KIF26B: variants seen among roughly 807,000 people sequenced by gnomAD.
KIF26B encodes the protein kinesin-like protein KIF26B.
In KIF26B, 63 loss-of-function variants were observed where a neutral mutation model predicts 151.2. The observed-to-expected ratio is 0.42, with a 90% CI of 0.34 to 0.51. KIF26B has a LOEUF of 0.51. Ranked by LOEUF, KIF26B falls within the 20% of genes least tolerant of loss-of-function variation. The pLI is 0.07. For synonymous variants in KIF26B, 1,357 were observed against 1,262.1 expected (o/e 1.08, Z -1.59); for missense variants, 2,813 against 2,913.6 (o/e 0.97, Z 0.79).
intron 2 of KIF26B, among the ~76,000 whole-genome samples, chr1:245,327,940 C>T (rs1170403980): frequency 1.3e-5 from 2 of 152,124 alleles, no homozygotes; most frequent in African/African-American, 2.4e-5. Context: ...GACCTGGGAT[C>T]GTGAGAATGT....
In KIF26B at chr1:245,375,568, G is replaced by C. The variant is rs1673254802; in HGVS notation, c.999+8201G>C. On this transcript the variant is annotated intron_variant, in intron 3 of 14. Coordinates refer to ENST00000407071, the MANE Select transcript of KIF26B (RefSeq NM_018012.4). The surrounding 1 kb of genome is among the most constrained non-coding windows in gnomAD (Gnocchi z 4.2). Reference sequence around the variant, plus strand: ...TCTAGAAGCTGAGGACGGCAAGGGTGTGATTCTCCCCTAGAGCCTCCAGAA... The same window carrying C: ...TCTAGAAGCTGAGGACGGCAAGGGTCTGATTCTCCCCTAGAGCCTCCAGAA... Among the ~76,000 whole-genome samples the C allele has an allele frequency of 6.6e-6, 1 of 152,170 alleles. No homozygotes were observed. The highest frequency in any genetic ancestry group is 1.5e-5 in the Non-Finnish European group (1 of 68,026).
intron 4 of KIF26B, among the ~76,000 whole-genome samples, chr1:245,526,315 TCTCTGC>T (rs1661234733): frequency 6.6e-6 from 1 of 152,140 alleles, no homozygotes; most frequent in Non-Finnish European, 1.5e-5. Context: ...AATTTCTGCC[TCTCTGC>T]CTCTAGTGGG....
intron 2 of KIF26B, among the ~76,000 whole-genome samples, chr1:245,360,088 G>T (rs951554707): frequency 1.3e-5 from 2 of 151,520 alleles, no homozygotes; most frequent in Non-Finnish European, 2.9e-5. Context: ...GGCCAGGATG[G>T]TCTCAAACTC....
intron 2 of KIF26B, among the ~76,000 whole-genome samples, chr1:245,248,002 G>T (rs1670368428): frequency 6.6e-6 from 1 of 152,164 alleles, no homozygotes; most frequent in African/African-American, 2.4e-5. Flanking sequence ...GAAGATGAGG[G>T]AAAACTACTT....
chr1:245,467,281 C>T (rs774378287), intron 4 of KIF26B, among the ~76,000 whole-genome samples: 6 of 152,192 alleles, frequency 3.9e-5, no homozygotes, highest in Non-Finnish European at 7.4e-5. Flanking sequence ...CAAGATGATG[C>T]GAGCTCTTTA....
chr1:245,668,677 GTTTCT>G lies in KIF26B; in HGVS notation c.2259-15532_2259-15528del, dbSNP rs112851269. Among the ~76,000 whole-genome samples, 196 of 151,386 alleles carry G rather than the reference GTTTCT, an allele frequency of 1.3e-3. 1 individual carries two copies. The South Asian group carries it at 0.016, about 12-fold the overall frequency. On this transcript the variant is annotated intron_variant, in intron 10 of 14. Transcript: ENST00000407071. Reference sequence around the variant, plus strand: ...AGAACTGTAGGATCATGGAGATCATGTTTCTTTTCTTTTCTTTTCTTTTCTTTTTT... The same window carrying G: ...AGAACTGTAGGATCATGGAGATCATGTTTCTTTTCTTTTCTTTTCTTTTTT...
rs1464932402 is a variant in KIF26B, at chr1:245,707,649, G to A, written c.*5043G>A. The A allele has an allele frequency of 6.6e-6, 1 of 152,244 alleles. No individual in the cohort carries two copies. The highest frequency in any genetic ancestry group is 1.5e-5 in the Non-Finnish European group (1 of 68,052). 9.4% of individuals were successfully genotyped at this position (152,244 alleles called of 1,614,324 possible). A position where few individuals can be genotyped will look rare whatever the true frequency, so the allele number is the denominator to read the frequency against. ...CTGTTAGTGGAAACATGGGCTGGGG[G>A]ATGGGGAGAGGACAGATAAAGCAAG... On this transcript the variant is annotated 3_prime_UTR_variant, in exon 15 of 15. Transcript: ENST00000407071.
chr1:245,685,596 C>T lies in KIF26B; in HGVS notation c.2613C>T (p.Asn871=), dbSNP rs373165733. 7.3e-5 allele frequency: 118 copies of T among 1,613,688 alleles called. No individual in the cohort carries two copies. The highest frequency in any genetic ancestry group is 9.4e-5 in the Non-Finnish European group (111 of 1,179,892). Residue 871 remains asparagine (N), a synonymous_variant, in exon 12 of 15, where the codon AAC becomes AAT. Coordinates refer to ENST00000407071, the MANE Select transcript of KIF26B (RefSeq NM_018012.4). ...ACACCGTCATCTACATCGGGCCCAA[C>T]GGCACGGCCCTCTCTGACAAGGAGC... The part of the protein sequence containing the change: ...SCDTVIYIGP[N]GTALSDKELT...
At chr1:245,683,549 C>T (rs779862922) in intron 10 of KIF26B, among the ~76,000 whole-genome samples, 31 of 152,200 alleles carry the variant, frequency 2.0e-4, no homozygotes, top group Non-Finnish European at 3.5e-4. Context: ...TGGCCCCGCA[C>T]AGCACCTGCA....
chr1:245,206,490 G>T (rs1177322439), intron 2 of KIF26B: 1 of 152,244 alleles, frequency 6.6e-6, no homozygotes, highest in African/African-American at 2.4e-5. Flanking sequence ...ATGTGTTCTT[G>T]ACATTAAGAG....
intron 2 of KIF26B, among the ~76,000 whole-genome samples, chr1:245,292,177 G>A (rs898046778): frequency 1.3e-5 from 2 of 152,160 alleles, no homozygotes; most frequent in East Asian, 1.9e-4. Context: ...CGATGACATC[G>A]AATTCGCACT....
chr1:245,542,625 C>T (rs967737458), intron 5 of KIF26B, among the ~76,000 whole-genome samples: 5 of 152,208 alleles, frequency 3.3e-5, no homozygotes, highest in South Asian at 2.1e-4. Context: ...GAGGAGGGGC[C>T]GTGGTACGCC....
At chr1:245,636,935 G>C (rs1197173281) in intron 9 of KIF26B, among the ~76,000 whole-genome samples, 1 of 151,822 alleles carries the variant, frequency 6.6e-6, no homozygotes, top group Non-Finnish European at 1.5e-5. Flanking sequence ...CACTTAGACT[G>C]ATTCTATATT....
intron 4 of KIF26B, among the ~76,000 whole-genome samples, chr1:245,455,331 C>T (rs1355998815): frequency 6.6e-6 from 1 of 151,994 alleles, no homozygotes; most frequent in African/African-American, 2.4e-5. Context: ...TGGTGAAACC[C>T]CATCTCTACT....
chr1:245,339,773 G>A (rs1392424629), intron 2 of KIF26B, among the ~76,000 whole-genome samples: 1 of 152,216 alleles, frequency 6.6e-6, no homozygotes, highest in Non-Finnish European at 1.5e-5. Context: ...CAGTTGTGTA[G>A]AGATTCACAC....
At chr1:245,434,289 TTACCTTTGAGGA>T (rs1222326505) in intron 4 of KIF26B, among the ~76,000 whole-genome samples, 4 of 152,240 alleles carry the variant, frequency 2.6e-5, no homozygotes, top group Non-Finnish European at 5.9e-5. Context: ...TGCTTTGTTT[TTACCTTTGAGGA>T]ACTCCAAGTA....
At chr1:245,532,248 C>CTT (rs74163062) in intron 4 of KIF26B, among the ~76,000 whole-genome samples, 14,503 of 121,372 alleles carry the variant, frequency 0.12, 1,517 homozygotes, top group Non-Finnish European at 0.17. Flanking sequence ...CTTTTCTTTT[C>CTT]TTTTTTTTTT....
Position 245,602,845 on chromosome 1 carries a change from C to A in KIF26B, c.1557+62C>A. 2.0e-6 allele frequency: 3 copies of A among 1,481,026 alleles called. No homozygotes were observed. The highest frequency in any genetic ancestry group is 2.8e-6 in the Non-Finnish European group (3 of 1,061,198). The allele number at this position is 1,481,026 out of a possible 1,614,324, so 91.7% of individuals were successfully genotyped here. A position where few individuals can be genotyped will look rare whatever the true frequency, so the allele number is the denominator to read the frequency against. ...GATGAAAGGGCAACGTTTACTCATTCACAAGGGCCCTTGAGCTGGGAGGGT... is the reference window on the plus strand; with the variant it reads ...GATGAAAGGGCAACGTTTACTCATTAACAAGGGCCCTTGAGCTGGGAGGGT... On this transcript the variant is annotated intron_variant, in intron 6 of 14. Coordinates refer to ENST00000407071, the MANE Select transcript of KIF26B (RefSeq NM_018012.4). This position sits in a 1 kb window ranked among gnomAD's most constrained non-coding sequence, Gnocchi z 4.5.
At chr1:245,383,259 C>T (rs1011823279) in intron 3 of KIF26B, among the ~76,000 whole-genome samples, 1 of 151,686 alleles carries the variant, frequency 6.6e-6, no homozygotes, top group Non-Finnish European at 1.5e-5. Flanking sequence ...GCATCCCTCA[C>T]GTCTGAACAC....
Sources: gnomAD v4.1 joint callset for allele counts (sites outside exome capture counted in the v4.1 genomes callset) on GRCh38, gnomAD v4.1.1 for gene constraint, Gnocchi (gnomAD v3.1) non-coding constraint, MANE v1.5 for transcripts, NCBI Gene and HGNC (gene_info 2026-07-23, HGNC 2026-07-21) for gene names.